The following MEPE variants were observed in gnomAD, a reference collection of about 807,000 sequenced individuals.
MEPE encodes the protein matrix, extracellular phosphoglycoprotein with ASARM motif (bone).
MEPE carries 7 observed loss-of-function variants against 7.3 expected under a neutral mutation model. That is an observed-to-expected ratio of 0.95 (90% CI 0.54 to 1.79). MEPE has a LOEUF of 1.79. MEPE is among the 40% of genes most tolerant of loss of function. The pLI, the probability that MEPE is intolerant of heterozygous loss-of-function variation, is 0.00. For synonymous variants in MEPE, 214 were observed against 213.1 expected, an observed-to-expected ratio of 1.00 and a Z score of -0.04; for missense variants, 623 against 628.2, an observed-to-expected ratio of 0.99 and a Z score of 0.09.
intron 1 of MEPE, among the ~76,000 whole-genome samples, chr4:87,834,495 A>G (rs1359249666): frequency 6.6e-6 from 1 of 152,232 alleles, no homozygotes; most frequent in Non-Finnish European, 1.5e-5. Context: ...TCATTTTCAC[A>G]TTGGAATAAC....
intron 3 of MEPE, among the ~76,000 whole-genome samples, chr4:87,841,779 C>T (rs1394925800): frequency 6.6e-6 from 1 of 152,148 alleles, no homozygotes; most frequent in African/African-American, 2.4e-5. Context: ...AACACACAGC[C>T]CGAGGATGAC....
At chr4:87,826,409 T>G (rs996573992) in intron 1 of MEPE, among the ~76,000 whole-genome samples, 11 of 151,872 alleles carry the variant, frequency 7.2e-5, no homozygotes, top group Admixed American at 7.2e-4. Context: ...TTTTTTGTTT[T>G]TGTTTTTTTT....
At chr4:87,822,025 A>G (rs1722350626) in intron 1 of MEPE, among the ~76,000 whole-genome samples, 1 of 152,156 alleles carries the variant, frequency 6.6e-6, no homozygotes, top group African/African-American at 2.4e-5. Context: ...AGTGCCTGCC[A>G]AACCAACACC....
intron 2 of MEPE, chr4:87,837,678 G>A (rs1578058232): frequency 6.6e-6 from 1 of 152,186 alleles, no homozygotes; most frequent in South Asian, 2.1e-4. Flanking sequence ...CATGATGCCT[G>A]CTTCCACTGT....
intron 2 of MEPE, among the ~76,000 whole-genome samples, chr4:87,838,255 AT>A (rs1172185439): frequency 1.4e-4 from 22 of 152,172 alleles, no homozygotes; most frequent in Non-Finnish European, 2.4e-4. Flanking sequence ...GTTCACTTAT[AT>A]TTAACAACTC....
intron 1 of MEPE, among the ~76,000 whole-genome samples, chr4:87,833,915 TTGA>T (rs1722680178): frequency 6.6e-6 from 1 of 152,218 alleles, no homozygotes; most frequent in African/African-American, 2.4e-5. Flanking sequence ...GCAGAGAGTC[TTGA>T]TGAAGAAAAC....
intron 2 of MEPE, chr4:87,837,690 G>C (rs1722851725): frequency 6.6e-6 from 1 of 152,134 alleles, no homozygotes; most frequent in Non-Finnish European, 1.5e-5. Flanking sequence ...TTCCACTGTA[G>C]CACACCCATT....
At chr4:87,834,559 A>G (rs1722709070) in intron 1 of MEPE, 144 bp from the exon 2 acceptor site, 2 of 528,178 alleles carry the variant, frequency 3.8e-6, no homozygotes, top group East Asian at 3.0e-5. Flanking sequence ...CAAGTTATAC[A>G]TAGTCTATAC....
chr4:87,830,823 T>C (rs867774391), upstream of MEPE, among the ~76,000 whole-genome samples: 155 of 34,122 alleles, frequency 4.5e-3, no homozygotes, highest in Middle Eastern at 0.013. Flanking sequence ...TTAGATATGA[T>C]AAAAAAAAAA....
At chr4:87,839,830 C>T (rs1293520667) in intron 3 of MEPE, 4 of 1,541,932 alleles carry the variant, frequency 2.6e-6, no homozygotes, top group Non-Finnish European at 3.5e-6. Context: ...TCTGGACTAG[C>T]CCTAGAGGAA....
chr4:87,846,384 A>G lies in MEPE; in HGVS notation c.1516A>G (p.Arg506Gly). The G allele has an allele frequency of 6.2e-7, 1 of 1,614,066 alleles. No individual in the cohort carries two copies. Among genetic ancestry groups the G allele is most frequent in the Non-Finnish European group, 8.5e-7 (1 of 1,179,950 alleles). Residue 506 changes from arginine (R) to glycine (G), a missense_variant, in exon 4 of 4, where the codon AGA becomes GGA. By Grantham distance (125) the Arg-to-Gly change is moderately radical (BLOSUM62 -2). Coordinates refer to ENST00000361056, the MANE Select transcript of MEPE (RefSeq NM_020203.6). ...PHSNRRFSSR[R>G]RDDSSESSDS... ...TTCCAACAGGAGGTTTAGTTCCCGT[A>G]GAAGGGATGACAGTAGTGAGTCATC...
At chr4:87,829,435 C>T (rs1431158128), upstream of MEPE, among the ~76,000 whole-genome samples, 1 of 152,042 alleles carries the variant, frequency 6.6e-6, no homozygotes, top group Non-Finnish European at 1.5e-5. Context: ...AATTTTCCAT[C>T]ACTCAAATGA....
chr4:87,845,650 C>T lies in MEPE; in HGVS notation c.782C>T (p.Pro261Leu), dbSNP rs769248046. The change falls in exon 4 of 4, where the codon CCT becomes CTT. Residue 261 changes from proline to leucine, a missense_variant. Pro to Leu is a moderately conservative substitution (Grantham distance 98). Transcript: ENST00000361056. ...TCTCCTTTCAGTGGGGACGGCCAAC[C>T]TTTTAAGGACATTCCTGGTAAAGGA... Reference protein sequence around the residue: ...DISPFSGDGQPFKDIPGKGEA... With the variant: ...DISPFSGDGQLFKDIPGKGEA... 1.2e-6 allele frequency: 2 copies of T among 1,613,704 alleles called. No homozygotes were observed. The highest frequency in any genetic ancestry group is 1.3e-5 in the African/African-American group (1 of 74,862).
At position 87,844,996 on chromosome 4, in the gene MEPE, A is replaced by G; in HGVS notation, c.128A>G (p.Asp43Gly). The G allele has an allele frequency of 6.5e-7, 1 of 1,546,726 alleles. No individual in the cohort carries two copies. Among genetic ancestry groups the G allele is most frequent in the South Asian group, 1.3e-5 (1 of 78,104 alleles). ...TTTTAGCAGGAAGAAAAAAACAAAG[A>G]CAATATTGGTTTTCACCATTTGGGC... ...EEQRQEEKNK[D>G]NIGFHHLGKR... is the part of the protein sequence containing the mutation. Residue 43 changes from aspartate (D) to glycine (G), a missense_variant, in exon 4 of 4, where the codon GAC (aspartate) becomes GGC (glycine). By Grantham distance (94) the Asp-to-Gly change is moderately conservative. Transcript: ENST00000361056.
Position 87,845,790 on chromosome 4 carries a change from G to A in MEPE, c.922G>A (p.Glu308Lys), listed in dbSNP as rs191216756. Reference protein sequence around the residue: ...TKKPGYNEIPEREENGGNTIG... With the variant: ...TKKPGYNEIPKREENGGNTIG... ...AAAGCCAGGTTATAATGAGATCCCA[G>A]AGAGAGAAGAAAATGGTGGAAATAC... is the stretch of plus-strand genomic sequence containing the variant. Residue 308 changes from glutamate to lysine, a missense_variant, in exon 4 of 4, where the codon GAG becomes AAG. By Grantham distance (56) the Glu-to-Lys change is moderately conservative (BLOSUM62 1). Coordinates refer to ENST00000361056, the MANE Select transcript of MEPE (RefSeq NM_020203.6). 3.5e-5 allele frequency: 57 copies of A among 1,614,018 alleles called. No homozygotes were observed. In the African/African-American group the frequency reaches 6.9e-4, roughly 20 times the overall value.
rs572303524 is a variant in MEPE at position 87,846,785 on chromosome 4, G to A, written c.*339G>A. 100 of 202,186 alleles carry A rather than the reference G, an allele frequency of 4.9e-4. No individual in the cohort carries two copies. In the South Asian group the frequency reaches 5.8e-3, roughly 12 times the overall value. The allele number at this position is 202,186 out of a possible 1,614,324, so 12.5% of individuals were successfully genotyped here. A position where few individuals can be genotyped will look rare whatever the true frequency, so the allele number is the denominator to read the frequency against. On this transcript the variant is annotated 3_prime_UTR_variant, in exon 4 of 4. Coordinates refer to ENST00000361056, the MANE Select transcript of MEPE (RefSeq NM_020203.6). ...GACATGAAAATAAACAATATCTCTC[G>A]ATGATAATTTGTATTAAGTAATCTA... is the stretch of plus-strand genomic sequence containing the variant.
upstream of MEPE, among the ~76,000 whole-genome samples, chr4:87,831,796 C>T (rs12640675): frequency 5.8e-3 from 882 of 152,220 alleles, 17 homozygotes; most frequent in Admixed American, 0.037. Flanking sequence ...CTTCTCTGTT[C>T]CTGGAACAAG....
chr4:87,834,835 A>G lies in MEPE; in HGVS notation c.54+67A>G, dbSNP rs10516795. 0.014 allele frequency: 18,804 copies of G among 1,372,622 alleles called. 1,971 individuals carry two copies. The African/African-American group carries it at 0.24, about 17-fold the overall frequency. The allele number at this position is 1,372,622 out of a possible 1,614,324, so 85.0% of individuals were successfully genotyped here. On this transcript the variant is annotated intron_variant, in intron 2 of 3. Transcript: ENST00000361056. Reference sequence around the variant, plus strand: ...GCTCTCTTCATTTGTTTTTCTTTCAAGCAACGTCTATTTAAATTAGTAGCA... The same window carrying G: ...GCTCTCTTCATTTGTTTTTCTTTCAGGCAACGTCTATTTAAATTAGTAGCA...
At chr4:87,826,621 T>C (rs1299141542) in intron 1 of MEPE, among the ~76,000 whole-genome samples, 4 of 152,160 alleles carry the variant, frequency 2.6e-5, no homozygotes, top group African/African-American at 9.7e-5. Context: ...TGTAAAAGCA[T>C]TCCTTTTTAT....
Sources: allele counts gnomAD v4.1 joint callset (sites outside exome capture counted in the v4.1 genomes callset), GRCh38; gene constraint gnomAD v4.1.1; transcripts MANE v1.5; gene names NCBI Gene and HGNC (gene_info 2026-07-23, HGNC 2026-07-21).